The following RHBDL3 variants were observed in gnomAD, a reference collection of about 807,000 sequenced individuals.
RHBDL3 encodes the protein rhomboid-related protein 3.
In RHBDL3, 28 loss-of-function variants were observed where a neutral mutation model predicts 48.2. The observed-to-expected ratio is 0.58, with a 90% confidence interval of 0.43 to 0.80. The LOEUF is 0.80. Ranked by LOEUF, RHBDL3 falls within the 30% of genes least tolerant of loss-of-function variation. RHBDL3 has a pLI of 0.00. For synonymous variants in RHBDL3, 208 were observed against 232.3 expected (o/e 0.90, Z 0.95); for missense variants, 464 against 542.7 (o/e 0.85, Z 1.44).
intron 5 of RHBDL3, among the ~76,000 whole-genome samples, chr17:32,296,463 G>A (rs2040452957): frequency 6.7e-6 from 1 of 149,556 alleles, no homozygotes; most frequent in Non-Finnish European, 1.5e-5. Context: ...AGCCCCCTGA[G>A]TAGCTGGGAC....
chr17:32,294,168 G>A (rs2040398599), intron 4 of RHBDL3, 126 bp from the exon 5 acceptor site: 1 of 717,052 alleles, frequency 1.4e-6, no homozygotes, highest in Admixed American at 2.9e-5. Flanking sequence ...CTGGCTGTGG[G>A]GTATCCCTCT....
In RHBDL3 at chr17:32,266,874, G is replaced by GA. The variant is rs113763464; in HGVS notation, c.111+576dup. 5.7e-3 allele frequency among the ~76,000 whole-genome samples: 862 copies of GA among 152,228 alleles called. 11 individuals carry two copies. Among genetic ancestry groups the GA allele is most frequent in the African/African-American group, 0.019 (806 of 41,552 alleles). ...AGTGCTGGGAGCGGCTTTGCTCCTA[G>GA]AAGGAGGCCCGGGAGTCCAAGACCG... On this transcript the variant is annotated intron_variant, in intron 1 of 8. Transcript: ENST00000269051.
At position 32,323,720 on chromosome 17, in the gene RHBDL3, C is replaced by T. The variant is rs1354243250; in HGVS notation, c.*2491C>T. 6.7e-6 allele frequency: 1 copy of T among 149,514 alleles called. No homozygotes were observed. Among genetic ancestry groups the T allele is most frequent in the Non-Finnish European group, 1.5e-5 (1 of 67,122 alleles). The allele number at this position is 149,514 out of a possible 1,614,324, so 9.3% of individuals were successfully genotyped here. A position where few individuals can be genotyped will look rare whatever the true frequency, so the allele number is the denominator to read the frequency against. On this transcript the variant is annotated 3_prime_UTR_variant, in exon 9 of 9. Transcript: ENST00000269051. ...TGTCTCCCACCATGTTAAGTGTGTCCTCTGCTGCCAAGGACCCTCGTCTAC... is the reference window on the plus strand; with the variant it reads ...TGTCTCCCACCATGTTAAGTGTGTCTTCTGCTGCCAAGGACCCTCGTCTAC...
At chr17:32,305,504 G>A in intron 7 of RHBDL3, 63 bp downstream of exon 7, 5 of 1,202,392 alleles carry the variant, frequency 4.2e-6, no homozygotes, top group Non-Finnish European at 3.7e-6. Flanking sequence ...CTGGGCCTGA[G>A]TATTAATCCA....
chr17:32,297,681 T>TTTTTA (rs202196467), intron 5 of RHBDL3, among the ~76,000 whole-genome samples: 1 of 112,966 alleles, frequency 8.9e-6, no homozygotes, highest in African/African-American at 3.3e-5. Flanking sequence ...TTTTTTTTTT[T>TTTTTA]CAGAGATGGT....
chr17:32,319,416 C>T (rs1305570782), intron 8 of RHBDL3, among the ~76,000 whole-genome samples: 5 of 103,384 alleles, frequency 4.8e-5, no homozygotes, highest in Non-Finnish European at 9.8e-5. Context: ...AGCGAGATTC[C>T]GTCTCAAAAA....
At position 32,318,825 on chromosome 17, in the gene RHBDL3, G is replaced by A. The variant is rs143854819; in HGVS notation, c.944-2133G>A. Among the ~76,000 whole-genome samples, 6 of 152,266 alleles carry A rather than the reference G, an allele frequency of 3.9e-5. No homozygotes were observed. In the East Asian group the frequency reaches 1.2e-3, roughly 29 times the overall value. On this transcript the variant is annotated intron_variant, in intron 8 of 8. Transcript: ENST00000269051. ...CTCCACTTCAATTCACGGAGGGTCA[G>A]GCCTGGGAAGGCTCCGCTTCAATTC...
At chr17:32,317,018 C>T (rs973131650) in intron 8 of RHBDL3, among the ~76,000 whole-genome samples, 2 of 151,718 alleles carry the variant, frequency 1.3e-5, no homozygotes, top group Non-Finnish European at 2.9e-5. Flanking sequence ...ATTACAGGCA[C>T]GTGCCACCAC....
Position 32,316,434 on chromosome 17 carries a change from T to C in RHBDL3, c.943+142T>C, listed in dbSNP as rs2040975411. 6 of 622,588 alleles carry C rather than the reference T, an allele frequency of 9.6e-6. No homozygotes were observed. The East Asian group carries it at 1.3e-4, about 14-fold the overall frequency. The allele number at this position is 622,588 out of a possible 1,614,324, so 38.6% of individuals were successfully genotyped here. Reference sequence around the variant, plus strand: ...TCAATGGTTAGCAAAAAAGTAGGGATATTGTGAGAGCTGTCTGTCCTGCTG... The same window carrying C: ...TCAATGGTTAGCAAAAAAGTAGGGACATTGTGAGAGCTGTCTGTCCTGCTG... On this transcript the variant is annotated intron_variant, in intron 8 of 8. Transcript: ENST00000269051.
chr17:32,313,078 A>G (rs576510391), intron 7 of RHBDL3, among the ~76,000 whole-genome samples: 1 of 151,582 alleles, frequency 6.6e-6, no homozygotes, highest in African/African-American at 2.4e-5. Context: ...CACTGGGATT[A>G]CAGGCGTGAG....
chr17:32,284,548 C>A, intron 2 of RHBDL3, 111 bp from the exon 3 acceptor site: 1 of 1,043,454 alleles, frequency 9.6e-7, no homozygotes, highest in Non-Finnish European at 1.4e-6. Flanking sequence ...GAGCCTCTGC[C>A]AGGGGCTGGG....
chr17:32,309,880 A>G (rs2040803140), intron 7 of RHBDL3, among the ~76,000 whole-genome samples: 1 of 149,702 alleles, frequency 6.7e-6, no homozygotes, highest in African/African-American at 2.5e-5. Flanking sequence ...CCTGGGTTCA[A>G]GCGATCCTCT....
rs1287739708 is a variant in RHBDL3, at chr17:32,294,396, C to T, written c.622C>T (p.Arg208Ter). The change falls in exon 5 of 9, where the codon CGA (arginine) becomes TGA (stop). Residue 208 changes from arginine (R) to a stop codon, truncating the protein, a stop_gained. Coordinates refer to ENST00000269051, the MANE Select transcript of RHBDL3 (RefSeq NM_138328.3). LOFTEE classifies it high-confidence loss of function. ...KNSLVYHPQL[R>*]AQVWRYLTYI... The stretch of plus-strand genomic sequence containing the variant: ...CTCCCTGGTTTACCACCCACAGCTG[C>T]GAGCACAGGTTTGGCGCTACCTGAC... 6.8e-6 allele frequency: 11 copies of T among 1,614,032 alleles called. No individual in the cohort carries two copies. Among genetic ancestry groups the T allele is most frequent in the Admixed American group, 1.7e-5 (1 of 59,996 alleles).
intron 4 of RHBDL3, among the ~76,000 whole-genome samples, chr17:32,291,587 A>T (rs1441735503): frequency 6.7e-6 from 1 of 150,360 alleles, no homozygotes; most frequent in Non-Finnish European, 1.5e-5. Context: ...AGGCTGAGAC[A>T]TGAGACTTGC....
chr17:32,305,957 T>A (rs982746747), intron 7 of RHBDL3, among the ~76,000 whole-genome samples: 1 of 151,932 alleles, frequency 6.6e-6, no homozygotes, highest in African/African-American at 2.4e-5. Context: ...ATATGGCCAT[T>A]GGAATTGCTT....
intron 3 of RHBDL3, among the ~76,000 whole-genome samples, chr17:32,285,091 T>A (rs2040161952): frequency 1.4e-5 from 2 of 140,640 alleles, no homozygotes; most frequent in South Asian, 4.9e-4. Context: ...CCAGCCCTCA[T>A]ACCCTCAGGC....
chr17:32,276,706 TCCGGCCC>T (rs2039909591), intron 2 of RHBDL3, among the ~76,000 whole-genome samples: 2 of 149,818 alleles, frequency 1.3e-5, no homozygotes, highest in African/African-American at 5.0e-5. Context: ...AGCACAGTAC[TCCGGCCC>T]TAGCACCTTA....
chr17:32,266,332 C>T, intron 1 of RHBDL3, 32 bp downstream of exon 1: 2 of 1,229,164 alleles, frequency 1.6e-6, no homozygotes, highest in Non-Finnish European at 2.2e-6. Context: ...GGCAAACTTT[C>T]TAGGGGGCGC....
intron 6 of RHBDL3, among the ~76,000 whole-genome samples, chr17:32,300,756 A>G (rs889686579): frequency 6.6e-6 from 1 of 152,120 alleles, no homozygotes; most frequent in African/African-American, 2.4e-5. Context: ...CTGCTGTCCT[A>G]TATGGTGGGT....
Sources: gnomAD v4.1 joint callset for allele counts (sites outside exome capture counted in the v4.1 genomes callset) on GRCh38, gnomAD v4.1.1 for gene constraint, MANE v1.5 for transcripts, NCBI Gene and HGNC (gene_info 2026-07-23, HGNC 2026-07-21) for gene names.